RADX: variants seen among roughly 807,000 people sequenced by gnomAD.
RADX encodes the protein RPA1 related single stranded DNA binding protein, X-linked.
A neutral mutation model predicts 61.6 loss-of-function variants in RADX; 36 were observed. The observed-to-expected ratio is 0.58, with a 90% CI of 0.45 to 0.77. The LOEUF (loss-of-function observed/expected upper bound fraction) is 0.77. Among genes scored for constraint, RADX ranks in the 30% least tolerant of loss-of-function variants. RADX has a pLI of 0.00. For missense variants in RADX, 497 were observed against 651.1 expected (o/e 0.76, Z 2.58); for synonymous variants, 272 against 237.9 (o/e 1.14, Z -1.32).
intron 3 of RADX, among the ~76,000 whole-genome samples, chrX:106,626,694 A>G (rs1187909231): frequency 8.9e-6 from 1 of 112,412 alleles, no homozygotes; most frequent in African/African-American, 3.2e-5. Context: ...TGGTGATAAT[A>G]TATTTTAAAT....
In RADX at chrX:106,662,268, C is replaced by T. The variant is rs140805762; in HGVS notation, c.2232C>T (p.Ser744=). The T allele has an allele frequency of 1.5e-4, 183 of 1,207,238 alleles. No homozygotes were observed. The highest frequency in any genetic ancestry group is 2.0e-4 in the Non-Finnish European group (180 of 893,717). ...GRPPKLDDFK[S]ARSLGHFEVT... ...CCCCAAAACTTGATGATTTTAAGAG[C>T]GCCCGAAGCCTTGGACATTTTGAAG... Residue 744 remains serine (S), a synonymous_variant, in exon 12 of 14, where the codon AGC becomes AGT. Coordinates refer to ENST00000372548, the MANE Select transcript of RADX (RefSeq NM_018015.6).
chrX:106,626,222 C>T (rs1445394925), intron 3 of RADX, among the ~76,000 whole-genome samples: 1 of 111,640 alleles, frequency 9.0e-6, no homozygotes, highest in Non-Finnish European at 1.9e-5. Context: ...TATTCTGAAC[C>T]TGAATTTCTG....
chrX:106,646,399 T>C (rs1375961370), intron 10 of RADX, among the ~76,000 whole-genome samples: 1 of 111,153 alleles, frequency 9.0e-6, no homozygotes, highest in Non-Finnish European at 1.9e-5. Flanking sequence ...TCAGGACTTC[T>C]GAATATGACC....
In RADX at chrX:106,648,215, TA is replaced by T. The variant is rs112390088; in HGVS notation, c.1905-97del. 0.036 allele frequency: 17,842 copies of T among 489,962 alleles called. 2,314 individuals carry two copies. In the African/African-American group the frequency reaches 0.38, roughly 11 times the overall value. 40.4% of individuals were successfully genotyped at this position (489,962 alleles called of 1,213,427 possible). On this transcript the variant is annotated intron_variant, in intron 10 of 13. Transcript: ENST00000372548. ...ACTTAACCTGTATATTTTCTAAATT[TA>T]TTGAATTAAAATAAATTCTGAATAG...
At chrX:106,614,859 A>T (rs185938802) in intron 1 of RADX, among the ~76,000 whole-genome samples, 35 of 111,532 alleles carry the variant, frequency 3.1e-4, no homozygotes, top group Admixed American at 7.6e-4. Context: ...ACAGTAAAAA[A>T]AAAAGGTTTT....
intron 10 of RADX, among the ~76,000 whole-genome samples, chrX:106,645,067 A>C (rs1305895391): frequency 9.0e-6 from 1 of 111,362 alleles, no homozygotes. Context: ...GGTTGTACAT[A>C]GTAGCCACTA....
At chrX:106,627,927 C>T (rs1569423673) in intron 3 of RADX, among the ~76,000 whole-genome samples, 1 of 111,800 alleles carries the variant, frequency 8.9e-6, no homozygotes, top group Non-Finnish European at 1.9e-5. Flanking sequence ...CCTCCACCTC[C>T]TGGGTTCCAG....
intron 3 of RADX, among the ~76,000 whole-genome samples, chrX:106,627,422 A>G (rs1441942448): frequency 9.1e-6 from 1 of 110,174 alleles, no homozygotes; most frequent in Admixed American, 9.6e-5. Context: ...TTGTAGAAAG[A>G]CTCAATCAAC....
intron 12 of RADX, among the ~76,000 whole-genome samples, chrX:106,664,865 G>T (rs1305922576): frequency 1.8e-5 from 2 of 110,453 alleles, no homozygotes; most frequent in Non-Finnish European, 3.8e-5. Flanking sequence ...AACACATCCT[G>T]TCCATCAGGT....
chrX:106,639,752 CT>C, intron 9 of RADX, 65 bp downstream of exon 9: 1 of 910,356 alleles, frequency 1.1e-6, no homozygotes, highest in Non-Finnish European at 1.5e-6. Context: ...CAATTGGTAC[CT>C]TTTACATTTT....
intron 3 of RADX, among the ~76,000 whole-genome samples, chrX:106,626,912 C>T (rs555306987): frequency 9.0e-6 from 1 of 111,715 alleles, no homozygotes; most frequent in African/African-American, 3.3e-5. Flanking sequence ...TGTAAAGCAC[C>T]AAGTAGTAAA....
chrX:106,666,228 A>G (rs187803738), intron 12 of RADX, among the ~76,000 whole-genome samples: 3 of 111,983 alleles, frequency 2.7e-5, no homozygotes, highest in African/African-American at 3.2e-5. Context: ...AAGATACACA[A>G]TAGTGTATCA....
At chrX:106,659,490 A>G (rs752615513) in intron 11 of RADX, among the ~76,000 whole-genome samples, 1 of 112,077 alleles carries the variant, frequency 8.9e-6, no homozygotes, top group East Asian at 2.8e-4. Context: ...ATTGTAAAAT[A>G]TAAAAATATA....
intron 11 of RADX, among the ~76,000 whole-genome samples, chrX:106,659,819 T>C (rs1022933921): frequency 2.7e-5 from 3 of 111,703 alleles, no homozygotes; most frequent in African/African-American, 9.7e-5. Flanking sequence ...CATGTTTCTT[T>C]AGAGGAATTT....
intron 11 of RADX, among the ~76,000 whole-genome samples, chrX:106,658,963 CA>C (rs1236053753): frequency 4.6e-5 from 1 of 21,783 alleles, no homozygotes; most frequent in Non-Finnish European, 1.4e-4. Context: ...CATCCCATTA[CA>C]TTTTTTTTTT....
At chrX:106,657,464 A>G (rs1405651689) in intron 11 of RADX, among the ~76,000 whole-genome samples, 1 of 111,526 alleles carries the variant, frequency 9.0e-6, no homozygotes, top group Non-Finnish European at 1.9e-5. Flanking sequence ...TTTACATTGC[A>G]CTCTCAACTT....
chrX:106,658,028 G>A (rs1402081465), intron 11 of RADX, among the ~76,000 whole-genome samples: 1 of 111,395 alleles, frequency 9.0e-6, no homozygotes, highest in South Asian at 3.7e-4. Context: ...TTAAAACAAG[G>A]TATGCCTTTA....
chrX:106,631,750 A>AAGGG (rs1927228181), intron 3 of RADX, among the ~76,000 whole-genome samples: 1 of 103,810 alleles, frequency 9.6e-6, no homozygotes, highest in South Asian at 4.7e-4. Context: ...GAAAGGAAGG[A>AAGGG]AGGGAGGGAG....
chrX:106,636,703 C>T lies in RADX; in HGVS notation c.1408+56C>T, dbSNP rs190706337. On this transcript the variant is annotated intron_variant, in intron 7 of 13. Coordinates refer to ENST00000372548, the MANE Select transcript of RADX (RefSeq NM_018015.6). Reference sequence around the variant, plus strand: ...AATATATTTTCTCTTCCCTAGAATCCTTCAGTACATATTAACTTTTATATA... The same window carrying T: ...AATATATTTTCTCTTCCCTAGAATCTTTCAGTACATATTAACTTTTATATA... 5 of 625,891 alleles carry T rather than the reference C, an allele frequency of 8.0e-6. No individual in the cohort carries two copies. The East Asian group carries it at 1.8e-4, about 22-fold the overall frequency. 51.6% of individuals were successfully genotyped at this position (625,891 alleles called of 1,213,427 possible). A position where few individuals can be genotyped will look rare whatever the true frequency, so the allele number is the denominator to read the frequency against.
Sources: gnomAD v4.1 joint callset for allele counts (sites outside exome capture counted in the v4.1 genomes callset) on GRCh38, gnomAD v4.1.1 for gene constraint, MANE v1.5 for transcripts, NCBI Gene and HGNC (gene_info 2026-07-23, HGNC 2026-07-21) for gene names.